The following CREB5 variants were observed in gnomAD, a reference collection of about 807,000 sequenced individuals.
The protein encoded by CREB5 is cAMP responsive element binding protein 5, also known as cyclic AMP-responsive element-binding protein 5.
A neutral mutation model predicts 57.1 loss-of-function variants in CREB5; 19 were observed. That is an observed-to-expected ratio of 0.33 (90% CI 0.23 to 0.49). CREB5 has a LOEUF of 0.49. CREB5 is among the 20% of genes least tolerant of loss of function. The pLI is 0.99. For missense variants in CREB5, 579 were observed against 671.6 expected, an observed-to-expected ratio of 0.86 and a Z score of 1.52; for synonymous variants, 238 against 238.3, an observed-to-expected ratio of 1.00 and a Z score of 0.01.
rs1441293850 is a variant in CREB5 at position 28,444,365 on chromosome 7, A to G, written c.3+31448A>G. Among the ~76,000 whole-genome samples the G allele has an allele frequency of 1.3e-5, 2 of 152,148 alleles. 1 individual carries two copies. Among genetic ancestry groups the G allele is most frequent in the East Asian group, 3.9e-4 (2 of 5,180 alleles). On this transcript the variant is annotated intron_variant, in intron 1 of 10. Coordinates refer to ENST00000357727, the MANE Select transcript of CREB5 (RefSeq NM_182898.4). The stretch of plus-strand genomic sequence containing the variant: ...CCACAGGAAGGAATCTCAGGCTGCA[A>G]ATTATCTCCTTTCTCAACATGGCCC...
intron 3 of CREB5, among the ~76,000 whole-genome samples, chr7:28,502,808 T>G (rs1289950867): frequency 6.6e-6 from 1 of 152,220 alleles, no homozygotes; most frequent in Non-Finnish European, 1.5e-5. Context: ...CATTTTCCCT[T>G]CTTTTCTTTT....
chr7:28,755,967 G>A (rs891433903), intron 7 of CREB5, among the ~76,000 whole-genome samples: 7 of 152,016 alleles, frequency 4.6e-5, no homozygotes, highest in Admixed American at 6.6e-5. Context: ...AGGGTGGGGC[G>A]GGCATAAAGA....
chr7:28,343,892 A>G (rs752045434), intron 1 of CREB5, among the ~76,000 whole-genome samples: 72 of 152,200 alleles, frequency 4.7e-4, no homozygotes, highest in South Asian at 1.0e-3. Context: ...TATTACAGCC[A>G]TTCCAAGTGG....
intron 1 of CREB5, among the ~76,000 whole-genome samples, chr7:28,420,849 A>G (rs906209196): frequency 2.7e-5 from 4 of 147,418 alleles, no homozygotes; most frequent in African/African-American, 1.0e-4. Flanking sequence ...GGCAAGTTTT[A>G]TGTTATATAT....
At chr7:28,615,114 G>A (rs924944801) in intron 5 of CREB5, 1 of 152,190 alleles carries the variant, frequency 6.6e-6, no homozygotes, top group Non-Finnish European at 1.5e-5. Context: ...ACAGTGGGAA[G>A]CCAGGTCCTC....
chr7:28,489,596 C>T (rs950496224), intron 2 of CREB5, among the ~76,000 whole-genome samples: 2 of 152,022 alleles, frequency 1.3e-5, no homozygotes, highest in African/African-American at 2.4e-5. Context: ...CCACCGCGCC[C>T]GGCCGGACCC....
intron 7 of CREB5, among the ~76,000 whole-genome samples, chr7:28,801,939 G>C (rs1020812472): frequency 6.6e-6 from 1 of 151,730 alleles, no homozygotes; most frequent in African/African-American, 2.4e-5. Flanking sequence ...ACAAAAATTA[G>C]CTGGGCATGG....
chr7:28,732,034 G>A (rs1803666923), intron 7 of CREB5, among the ~76,000 whole-genome samples: 1 of 152,108 alleles, frequency 6.6e-6, no homozygotes, highest in Admixed American at 6.5e-5. Context: ...GTCTTCCTCG[G>A]GTTCTAGAGC....
intron 5 of CREB5, among the ~76,000 whole-genome samples, chr7:28,712,424 C>T (rs1250570762): frequency 6.6e-6 from 1 of 150,916 alleles, no homozygotes; most frequent in Non-Finnish European, 1.5e-5. Flanking sequence ...AGGAGAATCA[C>T]CTAAACCCAG....
chr7:28,443,550 C>T (rs552115769), intron 1 of CREB5, among the ~76,000 whole-genome samples: 103 of 152,294 alleles, frequency 6.8e-4, no homozygotes, highest in Middle Eastern at 3.4e-3. Flanking sequence ...AACACTTAGT[C>T]GCTCTATTTT....
intron 7 of CREB5, among the ~76,000 whole-genome samples, chr7:28,744,594 C>A (rs544041739): frequency 1.3e-5 from 2 of 151,918 alleles, no homozygotes; most frequent in Non-Finnish European, 2.9e-5. Flanking sequence ...GTGATCCACC[C>A]GCCTCGGCCT....
In CREB5 at chr7:28,620,063, A is replaced by T. The variant is rs1205827863; in HGVS notation, c.464+49526A>T. Among the ~76,000 whole-genome samples the T allele has an allele frequency of 3.3e-5, 5 of 152,360 alleles. No individual in the cohort carries two copies. The East Asian group carries it at 9.6e-4, about 29-fold the overall frequency. ...GCATCATTTTAATAAAATAGACTTG[A>T]TGAAGTGAAGCTTCTCAAAATAATA... On this transcript the variant is annotated intron_variant, in intron 5 of 10. Transcript: ENST00000357727.
rs544970642 is a variant in CREB5 at position 28,447,376 on chromosome 7, C to G, written c.3+34459C>G. Reference sequence around the variant, plus strand: ...AGATGAGGTTTTCTAGAGTTTAACTCTGAAAGTTCCCTTCAAACAAGTTTC... The same window carrying G: ...AGATGAGGTTTTCTAGAGTTTAACTGTGAAAGTTCCCTTCAAACAAGTTTC... On this transcript the variant is annotated intron_variant, in intron 1 of 10. Transcript: ENST00000357727. Among the ~76,000 whole-genome samples the G allele has an allele frequency of 1.8e-4, 27 of 152,348 alleles. 3 individuals carry two copies. In the South Asian group the frequency reaches 5.6e-3, roughly 32 times the overall value.
At chr7:28,609,980 TA>T (rs1224048069) in intron 5 of CREB5, among the ~76,000 whole-genome samples, 1 of 152,226 alleles carries the variant, frequency 6.6e-6, no homozygotes, top group African/African-American at 2.4e-5. Flanking sequence ...TTCAAATGGC[TA>T]AATGTCAGCA....
At chr7:28,358,778 T>C (rs1786399360) in intron 1 of CREB5, among the ~76,000 whole-genome samples, 1 of 151,996 alleles carries the variant, frequency 6.6e-6, no homozygotes, top group Non-Finnish European at 1.5e-5. Flanking sequence ...TCCCTCTGAG[T>C]CAGAAATGAA....
intron 5 of CREB5, among the ~76,000 whole-genome samples, chr7:28,655,710 T>C (rs189741225): frequency 1.3e-5 from 2 of 152,376 alleles, no homozygotes; most frequent in African/African-American, 2.4e-5. Context: ...TAAATTTTTA[T>C]ATTATGTGCT....
At chr7:28,353,671 G>A (rs1385733268) in intron 1 of CREB5, among the ~76,000 whole-genome samples, 1 of 151,798 alleles carries the variant, frequency 6.6e-6, no homozygotes, top group African/African-American at 2.4e-5. Context: ...GTGAAACCCC[G>A]TCTCTACTAA....
At chr7:28,561,708 A>T (rs1407696767) in intron 4 of CREB5, among the ~76,000 whole-genome samples, 1 of 152,234 alleles carries the variant, frequency 6.6e-6, no homozygotes, top group Admixed American at 6.5e-5. Flanking sequence ...TCAGGTGAAC[A>T]CATCATGTTT....
chr7:28,356,297 A>C (rs1184065837), intron 1 of CREB5, among the ~76,000 whole-genome samples: 4 of 152,246 alleles, frequency 2.6e-5, no homozygotes, highest in African/African-American at 9.6e-5. Context: ...CCACTTCCAC[A>C]GCTGCTATCT....
Sources: gnomAD v4.1 joint callset for allele counts (sites outside exome capture counted in the v4.1 genomes callset) on GRCh38, gnomAD v4.1.1 for gene constraint, MANE v1.5 for transcripts, NCBI Gene and HGNC (gene_info 2026-07-23, HGNC 2026-07-21) for gene names.